Variants in NUP214 observed in about 807,000 individuals in gnomAD.
The protein encoded by NUP214 is nuclear pore complex protein Nup214.
A neutral mutation model predicts 196.2 loss-of-function variants in NUP214; 79 were observed. The observed-to-expected ratio is 0.40, with a 90% CI of 0.34 to 0.49. NUP214 has a LOEUF of 0.49. Ranked by LOEUF, NUP214 falls within the 20% of genes least tolerant of loss-of-function variation. The probability of loss-of-function intolerance (pLI) is 0.58; values close to 1 mark genes in which losing one functional copy is unlikely to be tolerated. For missense variants in NUP214, 2,468 were observed against 2,539.0 expected (o/e 0.97, Z 0.60); for synonymous variants, 1,020 against 990.5 (o/e 1.03, Z -0.56).
chr9:131,156,923 A>G (rs1832469028), intron 17 of NUP214, among the ~76,000 whole-genome samples: 1 of 152,184 alleles, frequency 6.6e-6, no homozygotes, highest in South Asian at 2.1e-4. Context: ...TGTATAGCAC[A>G]TTATCTCCAT....
At chr9:131,231,912 CAAA>C (rs900440054) in intron 34 of NUP214, among the ~76,000 whole-genome samples, 13 of 43,962 alleles carry the variant, frequency 3.0e-4, no homozygotes, top group East Asian at 7.6e-4. Context: ...ACAACAACAG[CAAA>C]AAAAAAAAAA....
chr9:131,216,312 C>A (rs112936448), intron 31 of NUP214, among the ~76,000 whole-genome samples: 2 of 148,334 alleles, frequency 1.3e-5, no homozygotes, highest in Non-Finnish European at 3.0e-5. Context: ...GCAAGCTCCA[C>A]TTCCCGGGTT....
chr9:131,204,281 TC>T (rs965982204), intron 30 of NUP214, among the ~76,000 whole-genome samples: 6 of 152,148 alleles, frequency 3.9e-5, no homozygotes, highest in Non-Finnish European at 7.3e-5. Flanking sequence ...TTAAGAAGTG[TC>T]ATAGCAAATT....
intron 24 of NUP214, among the ~76,000 whole-genome samples, chr9:131,180,079 A>G (rs1334288344): frequency 6.6e-6 from 1 of 152,202 alleles, no homozygotes; most frequent in Non-Finnish European, 1.5e-5. Context: ...TCATTTCCCT[A>G]AATGGTTCAT....
At chr9:131,177,633 T>G (rs938797686) in intron 23 of NUP214, among the ~76,000 whole-genome samples, 1 of 152,180 alleles carries the variant, frequency 6.6e-6, no homozygotes, top group Admixed American at 6.5e-5. Context: ...TGGCCAGTGA[T>G]GCAGTTAGTA....
At chr9:131,174,635 G>A (rs1290689878) in intron 22 of NUP214, among the ~76,000 whole-genome samples, 4 of 151,880 alleles carry the variant, frequency 2.6e-5, no homozygotes, top group African/African-American at 7.3e-5. Flanking sequence ...TTTTAGTGGA[G>A]ACGGGGTTTC....
At chr9:131,231,803 G>A (rs1834886423) in intron 34 of NUP214, among the ~76,000 whole-genome samples, 1 of 150,586 alleles carries the variant, frequency 6.6e-6, no homozygotes, top group Non-Finnish European at 1.5e-5. Context: ...GAAACTCCAA[G>A]GAACTAAGTG....
rs138786552 is a variant in NUP214, at chr9:131,163,148, G to T, written c.2698G>T (p.Val900Phe). 1.9e-6 allele frequency: 3 copies of T among 1,612,710 alleles called. No individual in the cohort carries two copies. Among genetic ancestry groups the T allele is most frequent in the East Asian group, 2.2e-5 (1 of 44,896 alleles). ...QTSLWSLSSA[V>F]PSQSSIHSFD... is the part of the protein sequence containing the mutation. ...TTCCCTGTGGAGCCTGTCCTCGGCTGTTCCTTCCCAGAGCAGCATTCACAG... is the reference window on the plus strand; with the variant it reads ...TTCCCTGTGGAGCCTGTCCTCGGCTTTTCCTTCCCAGAGCAGCATTCACAG... Residue 900 changes from valine (V) to phenylalanine (F), a missense_variant, in exon 19 of 36, where the codon GTT (valine) becomes TTT (phenylalanine). Transcript: ENST00000359428.
intron 21 of NUP214, among the ~76,000 whole-genome samples, chr9:131,171,603 GC>G (rs1832959760): frequency 6.9e-6 from 1 of 145,336 alleles, no homozygotes; most frequent in South Asian, 2.2e-4. Context: ...TGCACAATGT[GC>G]AGGTTAGTTA....
At chr9:131,139,689 A>C (rs1442296623) in intron 10 of NUP214, among the ~76,000 whole-genome samples, 2 of 152,200 alleles carry the variant, frequency 1.3e-5, no homozygotes, top group African/African-American at 2.4e-5. Context: ...ATCTGGTTGA[A>C]ATATAGAACA....
intron 3 of NUP214, 195 bp downstream of exon 3, chr9:131,128,678 C>G (rs775386967): frequency 1.2e-5 from 6 of 492,832 alleles, no homozygotes; most frequent in African/African-American, 1.9e-5. Flanking sequence ...TCTTTCATAA[C>G]GCCATCTGCC....
rs534869680 is a variant in NUP214, at chr9:131,134,071, C to T, written c.832-827C>T. Among the ~76,000 whole-genome samples, 3 of 152,268 alleles carry T rather than the reference C, an allele frequency of 2.0e-5. No homozygotes were observed. In the South Asian group the frequency reaches 6.2e-4, roughly 32 times the overall value. ...AAGCCATCCTCCTGCCTCAGCCTCC[C>T]GAGTAGTTGGGACCACAGGCATGCA... On this transcript the variant is annotated intron_variant, in intron 7 of 35. Transcript: ENST00000359428.
chr9:131,197,703 C>G lies in NUP214; in HGVS notation c.4209C>G (p.Thr1403=), dbSNP rs1177299126. Residue 1403 remains threonine, a synonymous_variant, in exon 29 of 36, where the codon ACC becomes ACG. Coordinates refer to ENST00000359428, the MANE Select transcript of NUP214 (RefSeq NM_005085.4). The part of the protein sequence containing the change: ...TTTSVAPPAA[T]STSSTAVFGS... ...CCTCAGTAGCACCACCAGCAGCCAC[C>G]AGCACTTCCTCAACTGCCGTTTTTG... 1.2e-5 allele frequency: 20 copies of G among 1,614,114 alleles called. No homozygotes were observed. The highest frequency in any genetic ancestry group is 5.0e-5 in the Admixed American group (3 of 60,012).
At chr9:131,170,389 T>G (rs529867880) in intron 21 of NUP214, among the ~76,000 whole-genome samples, 2 of 152,294 alleles carry the variant, frequency 1.3e-5, no homozygotes, top group African/African-American at 4.8e-5. Flanking sequence ...TGGAATTGTA[T>G]TGAGTCTCTA....
intron 30 of NUP214, 85 bp downstream of exon 30, chr9:131,201,802 T>C: frequency 8.6e-7 from 1 of 1,160,744 alleles, no homozygotes; most frequent in South Asian, 1.2e-5. Flanking sequence ...GTTCGTGTTG[T>C]ATATCTAAAT....
At chr9:131,151,063 A>T (rs1426866885) in intron 16 of NUP214, among the ~76,000 whole-genome samples, 2 of 152,184 alleles carry the variant, frequency 1.3e-5, no homozygotes, top group Non-Finnish European at 2.9e-5. Flanking sequence ...ATTTATTATA[A>T]TTGTTAATTT....
At chr9:131,182,319 T>G (rs1833304154) in intron 24 of NUP214, among the ~76,000 whole-genome samples, 1 of 152,210 alleles carries the variant, frequency 6.6e-6, no homozygotes, top group Non-Finnish European at 1.5e-5. Context: ...TCTTAGGAAC[T>G]GGGCCACACA....
intron 12 of NUP214, among the ~76,000 whole-genome samples, chr9:131,145,069 C>T (rs528996179): frequency 1.3e-5 from 2 of 152,254 alleles, no homozygotes; most frequent in East Asian, 3.9e-4. Context: ...CCAGAGTATG[C>T]ATCCTGGAAG....
At chr9:131,150,455 A>G (rs774971436) in intron 15 of NUP214, 45 bp downstream of exon 15, 8 of 1,602,258 alleles carry the variant, frequency 5.0e-6, no homozygotes, top group Non-Finnish European at 6.8e-6. Flanking sequence ...TAGCTGACAG[A>G]CTTGGATGGG....
Sources: allele counts gnomAD v4.1 joint callset (sites outside exome capture counted in the v4.1 genomes callset), GRCh38; gene constraint gnomAD v4.1.1; transcripts MANE v1.5; gene names NCBI Gene and HGNC (gene_info 2026-07-23, HGNC 2026-07-21).